The following TRDN variants were observed in gnomAD, a reference collection of about 807,000 sequenced individuals.
The protein encoded by TRDN is triadin, also known as triadin in skeletal muscle.
In TRDN, 161 loss-of-function variants were observed where a neutral mutation model predicts 149.7. The observed-to-expected ratio is 1.08, with a 90% CI of 0.95 to 1.23. The LOEUF is 1.23. TRDN is among the 50% of genes most tolerant of loss of function. The pLI is 0.00. For missense variants in TRDN, 896 were observed against 823.5 expected (o/e 1.09, Z -1.08); for synonymous variants, 294 against 250.5 (o/e 1.17, Z -1.64).
intron 1 of TRDN, among the ~76,000 whole-genome samples, chr6:123,572,928 A>T (rs1000158089): frequency 1.3e-5 from 2 of 152,106 alleles, no homozygotes; most frequent in African/African-American, 4.8e-5. Flanking sequence ...AGTTTTACCC[A>T]ACTGGAAAGA....
At chr6:123,392,375 C>T (rs745416601) in intron 13 of TRDN, among the ~76,000 whole-genome samples, 12 of 151,890 alleles carry the variant, frequency 7.9e-5, no homozygotes, top group Non-Finnish European at 1.3e-4. Context: ...TGCCTCAAGT[C>T]GTAGTTCCAC....
intron 5 of TRDN, among the ~76,000 whole-genome samples, chr6:123,527,797 T>C (rs1359804198): frequency 6.6e-6 from 1 of 151,698 alleles, no homozygotes. Flanking sequence ...TAAAATAAAT[T>C]TCTACCTCTT....
At chr6:123,516,232 T>C (rs1186882047) in intron 5 of TRDN, 26 bp from the exon 6 acceptor site, 1 of 1,457,326 alleles carries the variant, frequency 6.9e-7, no homozygotes, top group Non-Finnish European at 9.1e-7. Context: ...TAAATAGTTT[T>C]CATTTAAATA....
intron 7 of TRDN, among the ~76,000 whole-genome samples, chr6:123,511,480 T>C (rs1007860082): frequency 1.3e-5 from 2 of 152,128 alleles, no homozygotes; most frequent in Admixed American, 1.3e-4. Flanking sequence ...CCTATAAATA[T>C]TGAAAATAAA....
intron 23 of TRDN, among the ~76,000 whole-genome samples, chr6:123,326,259 C>T (rs1779451605): frequency 1.3e-5 from 2 of 152,166 alleles, no homozygotes; most frequent in South Asian, 4.1e-4. Flanking sequence ...TTTTCTGATA[C>T]TCACACCCAA....
chr6:123,531,585 C>T (rs1381809708), intron 4 of TRDN, among the ~76,000 whole-genome samples: 6 of 152,162 alleles, frequency 3.9e-5, no homozygotes, highest in African/African-American at 1.4e-4. Context: ...TCTCATTAAT[C>T]AGTTATCTTA....
At chr6:123,292,410 C>T (rs1778041916) in intron 24 of TRDN, among the ~76,000 whole-genome samples, 1 of 152,144 alleles carries the variant, frequency 6.6e-6, no homozygotes, top group Non-Finnish European at 1.5e-5. Context: ...ATAAAAATTA[C>T]TTGTCTGTGG....
chr6:123,587,412 G>C (rs565475153), intron 1 of TRDN, among the ~76,000 whole-genome samples: 19 of 152,276 alleles, frequency 1.2e-4, no homozygotes, highest in African/African-American at 3.8e-4. Context: ...AAGTGGTTGA[G>C]GGACAGTGAG....
At chr6:123,630,846 T>C (rs1785956189) in intron 1 of TRDN, among the ~76,000 whole-genome samples, 1 of 152,052 alleles carries the variant, frequency 6.6e-6, no homozygotes, top group South Asian at 2.1e-4. Flanking sequence ...CCAAATAGCA[T>C]GATCTTGTAA....
intron 9 of TRDN, chr6:123,489,060 T>C (rs1191866463): frequency 1.3e-5 from 2 of 152,156 alleles, no homozygotes; most frequent in African/African-American, 2.4e-5. Flanking sequence ...GCTTTAATAT[T>C]ATCACCTTAG....
intron 5 of TRDN, among the ~76,000 whole-genome samples, chr6:123,519,323 AC>A (rs139701907): frequency 0.065 from 9,901 of 151,956 alleles, 1,086 homozygotes; most frequent in African/African-American, 0.23. Context: ...GCTCAACTGG[AC>A]CCAAGCACAT....
At chr6:123,289,341 G>C (rs1279031067) in intron 24 of TRDN, among the ~76,000 whole-genome samples, 1 of 151,884 alleles carries the variant, frequency 6.6e-6, no homozygotes, top group Non-Finnish European at 1.5e-5. Context: ...GGAGAGATGG[G>C]AAAAGCGATG....
intron 40 of TRDN, among the ~76,000 whole-genome samples, chr6:123,219,468 C>T (rs990315940): frequency 6.6e-6 from 1 of 151,736 alleles, no homozygotes; most frequent in African/African-American, 2.4e-5. Flanking sequence ...TTCTGTCAAC[C>T]AGCCATAGAT....
intron 19 of TRDN, among the ~76,000 whole-genome samples, chr6:123,367,907 G>A (rs976670443): frequency 6.6e-6 from 1 of 152,108 alleles, no homozygotes; most frequent in South Asian, 2.1e-4. Context: ...ACTACCATGA[G>A]TTTCAGCCTT....
chr6:123,473,031 G>T (rs1303744952), intron 9 of TRDN, among the ~76,000 whole-genome samples: 2 of 152,208 alleles, frequency 1.3e-5, no homozygotes, highest in East Asian at 3.9e-4. Context: ...CTAAAAACCA[G>T]AGCGCCTCTC....
intron 22 of TRDN, among the ~76,000 whole-genome samples, chr6:123,332,784 A>C (rs1779710237): frequency 6.6e-6 from 1 of 151,996 alleles, no homozygotes; most frequent in South Asian, 2.1e-4. Flanking sequence ...GAAAATACAG[A>C]GACTGTGATG....
At chr6:123,533,499 C>T (rs956005423) in intron 4 of TRDN, among the ~76,000 whole-genome samples, 6 of 152,006 alleles carry the variant, frequency 3.9e-5, no homozygotes, top group Non-Finnish European at 8.8e-5. Context: ...ACTAGAAAGA[C>T]GGTCCTTGTT....
chr6:123,567,732 C>T (rs1020322300), intron 2 of TRDN, among the ~76,000 whole-genome samples: 17 of 152,150 alleles, frequency 1.1e-4, no homozygotes, highest in African/African-American at 4.1e-4. Flanking sequence ...CTAAACCATT[C>T]TTCAAAAATC....
intron 22 of TRDN, among the ~76,000 whole-genome samples, chr6:123,333,767 T>C (rs1240848517): frequency 2.0e-5 from 3 of 152,082 alleles, no homozygotes; most frequent in East Asian, 1.9e-4. Flanking sequence ...TCAACTCTTA[T>C]GACACTTTTC....
Sources: allele counts gnomAD v4.1 joint callset (sites outside exome capture counted in the v4.1 genomes callset), GRCh38; gene constraint gnomAD v4.1.1; transcripts MANE v1.5; gene names NCBI Gene and HGNC (gene_info 2026-07-23, HGNC 2026-07-21).